Variants in SYNE1 observed in about 807,000 individuals in gnomAD.
SYNE1 encodes the protein spectrin repeat containing nuclear envelope protein 1.
SYNE1 carries 616 observed loss-of-function variants against 1,111.0 expected under a neutral mutation model. The ratio of observed to expected loss-of-function variants is 0.55; its 90% CI spans 0.52 to 0.59. SYNE1 has a LOEUF of 0.59. SYNE1 is among the 20% of genes least tolerant of loss of function. The probability of loss-of-function intolerance (pLI) is 0.00; values close to 1 mark genes in which losing one functional copy is unlikely to be tolerated. For synonymous variants in SYNE1, 3,855 were observed against 3,825.8 expected (o/e 1.01, Z -0.28); for missense variants, 10,006 against 10,417.0 (o/e 0.96, Z 1.72).
intron 126 of SYNE1, among the ~76,000 whole-genome samples, chr6:152,202,346 C>CAAAAAAAAAAAAAAAAAAAAAAAAAA (rs35563822): frequency 2.1e-5 from 1 of 48,042 alleles, no homozygotes. Flanking sequence ...GACTCTGTCT[C>CAAAAAAAAAAAAAAAAAAAAAAAAAA]AAAAAAAAAA....
Position 152,543,768 on chromosome 6 carries a change from A to G in SYNE1, c.68-3747T>C, listed in dbSNP as rs375038921. ...TGTAGGGCAACCCATTGCTTTTTCT[A>G]TATTTAGACATGTTCAGATACACAA... On this transcript the variant is annotated intron_variant, in intron 3 of 145. Coordinates refer to ENST00000367255, the MANE Select transcript of SYNE1 (RefSeq NM_182961.4). 2.6e-5 allele frequency among the ~76,000 whole-genome samples: 4 copies of G among 152,308 alleles called. No individual in the cohort carries two copies. In the South Asian group the frequency reaches 6.2e-4, roughly 24 times the overall value.
At chr6:152,278,662 C>A (rs186012676) in intron 97 of SYNE1, among the ~76,000 whole-genome samples, 1 of 152,062 alleles carries the variant, frequency 6.6e-6, no homozygotes, top group African/African-American at 2.4e-5. Flanking sequence ...GGGGTTTCAC[C>A]GTGTTAGCTA....
At chr6:152,450,196 C>A (rs1403576876) in intron 27 of SYNE1, among the ~76,000 whole-genome samples, 1 of 152,196 alleles carries the variant, frequency 6.6e-6, no homozygotes, top group African/African-American at 2.4e-5. Flanking sequence ...CCCCCTTTTG[C>A]TCTGCACTTC....
chr6:152,464,799 C>T (rs573465755), intron 18 of SYNE1: 1 of 241,532 alleles, frequency 4.1e-6, no homozygotes, highest in South Asian at 5.7e-5. Context: ...CACTCCTACC[C>T]AGAATGAGAC....
chr6:152,471,690 G>A lies in SYNE1; in HGVS notation c.1539C>T (p.Leu513=). The A allele has an allele frequency of 6.2e-7, 1 of 1,614,022 alleles. No individual in the cohort carries two copies. Among genetic ancestry groups the A allele is most frequent in the Non-Finnish European group, 8.5e-7 (1 of 1,179,894 alleles). ...MEFLELKYRL[L]SLLVLAESKL... is the part of the protein sequence containing the mutation. ...TTGACTCTGCAAGAACCAGCAGTGA[G>A]AGCAGACGGTACTTTAATTCTAAAA... The change falls in exon 16 of 146, where the codon CTC becomes CTT. Residue 513 remains leucine, a synonymous_variant. Coordinates refer to ENST00000367255, the MANE Select transcript of SYNE1 (RefSeq NM_182961.4).
chr6:152,472,061 A>G, intron 15 of SYNE1: 1 of 596,994 alleles, frequency 1.7e-6, no homozygotes, highest in Non-Finnish European at 2.9e-6. Context: ...ACAAAAATAC[A>G]GCCTCTGAAG....
intron 8 of SYNE1, among the ~76,000 whole-genome samples, chr6:152,508,258 C>T (rs2099068453): frequency 6.6e-6 from 1 of 152,194 alleles, no homozygotes; most frequent in Admixed American, 6.5e-5. Flanking sequence ...TCGCCCCAAA[C>T]CTCTACAATT....
intron 49 of SYNE1, 67 bp downstream of exon 49, chr6:152,398,552 C>A (rs548975536): frequency 7.7e-7 from 1 of 1,307,054 alleles, no homozygotes; most frequent in African/African-American, 1.5e-5. Context: ...AATGAGATAA[C>A]TTAGGTCTGC....
chr6:152,616,822 T>A (rs2099653624), intron 3 of SYNE1, among the ~76,000 whole-genome samples: 1 of 152,164 alleles, frequency 6.6e-6, no homozygotes. Flanking sequence ...CAGGACTAGC[T>A]TCATGGTGTG....
intron 72 of SYNE1, among the ~76,000 whole-genome samples, chr6:152,348,688 A>AAAAAT (rs955471248): frequency 6.6e-6 from 1 of 152,090 alleles, no homozygotes; most frequent in Non-Finnish European, 1.5e-5. Flanking sequence ...TCTGTCTCAA[A>AAAAAT]AAAATAAAAT....
chr6:152,256,556 AC>A (rs1334923762), intron 102 of SYNE1, 77 bp downstream of exon 102: 1 of 1,592,928 alleles, frequency 6.3e-7, no homozygotes, highest in African/African-American at 1.3e-5. Context: ...CAACAGTCTC[AC>A]AGAGGCCAGG....
Position 152,520,575 on chromosome 6 carries a change from C to T in SYNE1, c.226-33G>A, listed in dbSNP as rs756029667. ...AAGTGGGGTAAAAAAGGGAATGAGA[C>T]AAAATCTGCATATTAAAATGTTAGT... On this transcript the variant is annotated intron_variant, in intron 5 of 145. Transcript: ENST00000367255. 12 of 1,597,408 alleles carry T rather than the reference C, an allele frequency of 7.5e-6. No individual in the cohort carries two copies. In the South Asian group the frequency reaches 1.2e-4, roughly 16 times the overall value.
intron 21 of SYNE1, among the ~76,000 whole-genome samples, chr6:152,461,007 T>G (rs1235621715): frequency 2.0e-5 from 3 of 151,980 alleles, no homozygotes; most frequent in Non-Finnish European, 4.4e-5. Flanking sequence ...AGAGACGATG[T>G]TTCATCATGT....
chr6:152,163,838 C>G (rs532678427), intron 131 of SYNE1, among the ~76,000 whole-genome samples: 1 of 152,172 alleles, frequency 6.6e-6, no homozygotes, highest in South Asian at 2.1e-4. Flanking sequence ...GCTAGTGACT[C>G]TCAAATAAAT....
At chr6:152,460,409 A>G (rs1272630688) in intron 21 of SYNE1, among the ~76,000 whole-genome samples, 1 of 152,066 alleles carries the variant, frequency 6.6e-6, no homozygotes, top group Non-Finnish European at 1.5e-5. Context: ...TATGGTCATG[A>G]TTTTTCCTAT....
intron 27 of SYNE1, among the ~76,000 whole-genome samples, chr6:152,450,171 T>C (rs1353170502): frequency 3.3e-5 from 5 of 152,196 alleles, no homozygotes; most frequent in African/African-American, 1.2e-4. Flanking sequence ...TCTGATGGTT[T>C]CATAAGGGGC....
At chr6:152,620,220 C>G (rs1301344369) in intron 3 of SYNE1, among the ~76,000 whole-genome samples, 1 of 152,088 alleles carries the variant, frequency 6.6e-6, no homozygotes, top group Non-Finnish European at 1.5e-5. Context: ...TTTCTTCCTA[C>G]CACACAGGCT....
intron 41 of SYNE1, among the ~76,000 whole-genome samples, chr6:152,415,334 A>G (rs1010994476): frequency 3.3e-5 from 5 of 152,132 alleles, no homozygotes; most frequent in Non-Finnish European, 5.9e-5. Flanking sequence ...GCCTCTCCAT[A>G]CCTCTAAGCA....
chr6:152,277,107 G>A (rs1244823452), intron 98 of SYNE1, among the ~76,000 whole-genome samples: 2 of 151,338 alleles, frequency 1.3e-5, no homozygotes, highest in Non-Finnish European at 2.9e-5. Context: ...AGCCAGGATG[G>A]TCTCCATCTC....
Sources: allele counts gnomAD v4.1 joint callset (sites outside exome capture counted in the v4.1 genomes callset), GRCh38; gene constraint gnomAD v4.1.1; transcripts MANE v1.5; gene names NCBI Gene and HGNC (gene_info 2026-07-23, HGNC 2026-07-21).